The following PIK3CB variants were observed in gnomAD, a reference collection of about 807,000 sequenced individuals.
The protein encoded by PIK3CB is phosphatidylinositol 4,5-bisphosphate 3-kinase catalytic subunit beta isoform.
A neutral mutation model predicts 136.8 loss-of-function variants in PIK3CB; 39 were observed. The ratio of observed to expected loss-of-function variants is 0.29; its 90% confidence interval spans 0.22 to 0.37. PIK3CB has a LOEUF of 0.37. Ranked by LOEUF, PIK3CB falls within the 10% of genes least tolerant of loss-of-function variation. PIK3CB has a pLI of 1.00. For missense variants in PIK3CB, 868 were observed against 1,275.4 expected (o/e 0.68, Z 4.87); for synonymous variants, 428 against 436.6 (o/e 0.98, Z 0.25).
At chr3:138,832,414 G>A (rs1400127327) in intron 1 of PIK3CB, among the ~76,000 whole-genome samples, 2 of 151,962 alleles carry the variant, frequency 1.3e-5, no homozygotes, top group African/African-American at 4.8e-5. Context: ...ACTTTCGGCC[G>A]GTCGCGGTGG....
At chr3:138,772,632 G>A (rs1215316882) in intron 2 of PIK3CB, among the ~76,000 whole-genome samples, 11 of 141,842 alleles carry the variant, frequency 7.8e-5, no homozygotes, top group Admixed American at 7.1e-4. Flanking sequence ...TCATTCTTTT[G>A]ATTTTTTTTT....
At chr3:138,692,474 A>G (rs1323796866) in intron 14 of PIK3CB, among the ~76,000 whole-genome samples, 1 of 152,262 alleles carries the variant, frequency 6.6e-6, no homozygotes, top group Non-Finnish European at 1.5e-5. Context: ...ACTTAAGCAG[A>G]TGGTGAAGCA....
intron 5 of PIK3CB, among the ~76,000 whole-genome samples, chr3:138,742,135 A>T (rs1051903331): frequency 2.0e-5 from 3 of 152,248 alleles, no homozygotes; most frequent in African/African-American, 7.2e-5. Flanking sequence ...AATAAGGAAC[A>T]CTATCTAGAC....
Position 138,707,249 on chromosome 3 carries a change from T to C in PIK3CB, c.1440A>G (p.Gln480=), listed in dbSNP as rs2044397809. The C allele has an allele frequency of 2.5e-6, 4 of 1,612,556 alleles. No homozygotes were observed. The highest frequency in any genetic ancestry group is 1.3e-5 in the African/African-American group (1 of 75,010). ...TTGCATTTTCAGTATATGGATTTGT[T>C]TGAACAGTTCCCATTGGATTCAACA... ...EEMLNPMGTV[Q]TNPYTENATA... Residue 480 remains glutamine (Q), a synonymous_variant, in exon 11 of 24, where the codon CAA becomes CAG. Transcript: ENST00000674063.
At chr3:138,666,816 C>CA (rs2043419712) in intron 19 of PIK3CB, among the ~76,000 whole-genome samples, 1 of 152,084 alleles carries the variant, frequency 6.6e-6, no homozygotes, top group Non-Finnish European at 1.5e-5. Context: ...AAAACCAGAG[C>CA]AGCAGTCCCT....
At chr3:138,670,946 ATTAT>A (rs1031271388) in intron 19 of PIK3CB, among the ~76,000 whole-genome samples, 2 of 152,176 alleles carry the variant, frequency 1.3e-5, no homozygotes, top group Non-Finnish European at 2.9e-5. Context: ...AAAATAAAAA[ATTAT>A]TTCTTTTTTT....
chr3:138,727,375 C>T (rs1341851588), intron 8 of PIK3CB, among the ~76,000 whole-genome samples: 1 of 152,226 alleles, frequency 6.6e-6, no homozygotes, highest in Non-Finnish European at 1.5e-5. Flanking sequence ...AGACACTCAG[C>T]TCTTCCTAGC....
At chr3:138,705,212 C>CAAAAAAAAAAAAAAA (rs2044355612) in intron 11 of PIK3CB, among the ~76,000 whole-genome samples, 1 of 111,240 alleles carries the variant, frequency 9.0e-6, no homozygotes, top group African/African-American at 3.1e-5. Flanking sequence ...CTTATATTTG[C>CAAAAAAAAAAAAAAA]AAATATAGGA....
intron 16 of PIK3CB, among the ~76,000 whole-genome samples, chr3:138,688,415 C>T (rs1042711836): frequency 7.5e-5 from 11 of 147,372 alleles, no homozygotes; most frequent in South Asian, 2.2e-4. Flanking sequence ...GCAGGAGAAT[C>T]GCTTGAACCC....
intron 2 of PIK3CB, among the ~76,000 whole-genome samples, chr3:138,779,484 G>A (rs1032530379): frequency 2.3e-4 from 33 of 143,828 alleles, no homozygotes; most frequent in African/African-American, 8.3e-4. Flanking sequence ...TCTACCTCCT[G>A]GGCTCAAGCA....
intron 19 of PIK3CB, among the ~76,000 whole-genome samples, chr3:138,674,909 A>G (rs774969329): frequency 1.3e-5 from 2 of 152,110 alleles, no homozygotes; most frequent in Non-Finnish European, 2.9e-5. Context: ...TACAAAAATT[A>G]GCCAGGAGTT....
chr3:138,679,747 T>TG (rs1444671170), intron 19 of PIK3CB, among the ~76,000 whole-genome samples: 2 of 123,652 alleles, frequency 1.6e-5, no homozygotes, highest in African/African-American at 5.2e-5. Flanking sequence ...CATGCCTGGC[T>TG]AATTATTATT....
chr3:138,808,139 C>CA (rs2046254168), intron 1 of PIK3CB, among the ~76,000 whole-genome samples: 1 of 152,038 alleles, frequency 6.6e-6, no homozygotes, highest in Non-Finnish European at 1.5e-5. Flanking sequence ...CCAAAATTAA[C>CA]AGAGCTTTTT....
chr3:138,689,029 C>T lies in PIK3CB; in HGVS notation c.2037-55G>A, dbSNP rs565365922. The T allele has an allele frequency of 7.7e-4, 761 of 989,778 alleles. 3 individuals are homozygous for T. Among genetic ancestry groups the T allele is most frequent in the Middle Eastern group, 2.7e-3 (13 of 4,812 alleles). 61.3% of individuals were successfully genotyped at this position (989,778 alleles called of 1,614,324 possible). A position where few individuals can be genotyped will look rare whatever the true frequency, so the allele number is the denominator to read the frequency against. Reference sequence around the variant, plus strand: ...TTGTTTATCAAACACTTCAGATCACCGAATAAATACTGACTTCTTTATTCT... The same window carrying T: ...TTGTTTATCAAACACTTCAGATCACTGAATAAATACTGACTTCTTTATTCT... On this transcript the variant is annotated intron_variant, in intron 15 of 23. Transcript: ENST00000674063.
Position 138,704,450 on chromosome 3 carries a change from T to C in PIK3CB, c.1574A>G (p.Asn525Ser). The change falls in exon 12 of 24, where the codon AAT becomes AGT. Residue 525 changes from asparagine (N) to serine (S), a missense_variant. Asn to Ser is a conservative substitution (Grantham distance 46). Around this residue, in one of 4 missense-constraint regions of PIK3CB, gnomAD observed 612 missense variants for 801.1 expected, o/e 0.76. Transcript: ENST00000674063. ...AAAACTCTTGATACTTACTGACACA[T>C]TAGCACTATCACTGCTTGCAATCTC... is the stretch of plus-strand genomic sequence containing the variant. ...AAEIASSDSA[N>S]VSSRGGKKFL... 6.2e-7 allele frequency: 1 copy of C among 1,602,704 alleles called. No homozygotes were observed.
chr3:138,693,113 G>A (rs904691902), intron 14 of PIK3CB, among the ~76,000 whole-genome samples: 4 of 152,024 alleles, frequency 2.6e-5, no homozygotes, highest in Non-Finnish European at 5.9e-5. Context: ...TTTATTTTTT[G>A]AGACAGGGTC....
At chr3:138,817,220 C>T (rs986449257) in intron 1 of PIK3CB, among the ~76,000 whole-genome samples, 1 of 152,178 alleles carries the variant, frequency 6.6e-6, no homozygotes, top group African/African-American at 2.4e-5. Context: ...CGCCTGTAGT[C>T]CCAGCTACTC....
chr3:138,658,309 G>A (rs1287055286), intron 21 of PIK3CB, among the ~76,000 whole-genome samples: 1 of 151,994 alleles, frequency 6.6e-6, no homozygotes, highest in Non-Finnish European at 1.5e-5. Context: ...AATTAGTCAG[G>A]CATAGTGGCA....
chr3:138,767,035 A>C (rs1272819380), intron 2 of PIK3CB, among the ~76,000 whole-genome samples: 1 of 151,948 alleles, frequency 6.6e-6, no homozygotes, highest in African/African-American at 2.4e-5. Context: ...GTATCCGGGC[A>C]TGGTGGCACA....
Sources: gnomAD v4.1 joint callset for allele counts (sites outside exome capture counted in the v4.1 genomes callset) on GRCh38, gnomAD v4.1.1 for gene constraint, gnomAD v4.1.1 regional missense constraint, MANE v1.5 for transcripts, NCBI Gene and HGNC (gene_info 2026-07-23, HGNC 2026-07-21) for gene names.